Variants in FOXR2 observed in about 807,000 individuals in gnomAD.
FOXR2 encodes the protein forkhead box R2, also known as forkhead box protein R2.
For synonymous variants in FOXR2, 109 were observed against 84.1 expected, an observed-to-expected ratio of 1.30 and a Z score of -1.62; for missense variants, 234 against 227.1, an observed-to-expected ratio of 1.03 and a Z score of -0.20.
rs1235917887 is a variant in FOXR2 at position 55,623,905 on chromosome X, C to T, written c.194C>T (p.Pro65Leu). The change falls in exon 1 of 1, where the codon CCC (proline) becomes CTC (leucine). Residue 65 changes from proline to leucine, a missense_variant. Transcript: ENST00000339140. ...CCAGAAATGCCTCAGAAGAGGAGAC[C>T]CAGTCCTGATGGAGATGGTCCTCCC... ...KPPEMPQKRR[P>L]SPDGDGPPCE... The T allele has an allele frequency of 3.3e-5, 40 of 1,209,299 alleles. No homozygotes were observed. The highest frequency in any genetic ancestry group is 4.4e-5 in the Admixed American group (2 of 45,658).
In FOXR2 at chrX:55,624,109, C is replaced by G. The variant is rs1214322358; in HGVS notation, c.398C>G (p.Ser133Cys). 2 of 1,212,032 alleles carry G rather than the reference C, an allele frequency of 1.7e-6. No individual in the cohort carries two copies. Among genetic ancestry groups the G allele is most frequent in the Admixed American group, 4.3e-5 (2 of 46,066 alleles). The change falls in exon 1 of 1, where the codon TCT becomes TGT. Residue 133 changes from serine to cysteine, a missense_variant. Transcript: ENST00000339140. The part of the protein sequence containing the change: ...SEDKVVESLP[S>C]SSSEQSPLQK... ...GACAAAGTGGTAGAGTCTCTGCCAT[C>G]TTCCTCCAGTGAGCAGTCTCCTTTA...
chrX:55,624,293 T>A lies in FOXR2; in HGVS notation c.582T>A (p.Pro194=), dbSNP rs943165821. The A allele has an allele frequency of 3.3e-6, 4 of 1,210,527 alleles. No individual in the cohort carries two copies. The African/African-American group carries it at 7.0e-5, about 21-fold the overall frequency. Residue 194 remains proline (P), a synonymous_variant, in exon 1 of 1, where the codon CCT becomes CCA. Coordinates refer to ENST00000339140, the MANE Select transcript of FOXR2 (RefSeq NM_198451.4). ...NNQEKSWQRP[P]LNCSHLIALA... ...AAGAGAAGTCCTGGCAAAGGCCCCC[T>A]CTCAATTGTAGCCACCTTATTGCCC...
chrX:55,624,468 G>C lies in FOXR2; in HGVS notation c.757G>C (p.Val253Leu). The change falls in exon 1 of 1, where the codon GTG (valine) becomes CTG (leucine). Residue 253 changes from valine to leucine, a missense_variant. Physicochemically the swap from Val to Leu is conservative, Grantham distance 32. Transcript: ENST00000339140. ...CTGCTTCCTGGACAGCTTTGAGAAG[G>C]TGCCAGACAGCCTTAAGGATGAAGA... ...NLCFLDSFEKVPDSLKDEDNA... is the reference protein window; with the variant it reads ...NLCFLDSFEKLPDSLKDEDNA... 2 of 1,211,877 alleles carry C rather than the reference G, an allele frequency of 1.7e-6. No homozygotes were observed. Among genetic ancestry groups the C allele is most frequent in the South Asian group, 3.5e-5 (2 of 57,005 alleles).
At position 55,623,900 on chromosome X, in the gene FOXR2, G is replaced by A. The variant is rs748716736; in HGVS notation, c.189G>A (p.Arg63=). 6 of 1,209,709 alleles carry A rather than the reference G, an allele frequency of 5.0e-6. No individual in the cohort carries two copies. The Admixed American group carries it at 6.6e-5, about 13-fold the overall frequency. The change falls in exon 1 of 1, where the codon AGG becomes AGA. Residue 63 remains arginine, a synonymous_variant. Coordinates refer to ENST00000339140, the MANE Select transcript of FOXR2 (RefSeq NM_198451.4). ...VMKPPEMPQK[R]RPSPDGDGPP... ...AGCCCCCAGAAATGCCTCAGAAGAG[G>A]AGACCCAGTCCTGATGGAGATGGTC... is the stretch of plus-strand genomic sequence containing the variant.
rs267606489 is a variant in FOXR2, at chrX:55,623,929, C to T, written c.218C>T (p.Pro73Leu). Reference protein sequence around the residue: ...RRPSPDGDGPPCEPNLWMWVD... With the variant: ...RRPSPDGDGPLCEPNLWMWVD... Reference sequence around the variant, plus strand: ...CCCAGTCCTGATGGAGATGGTCCTCCCTGTGAACCCAATCTGTGGATGTGG... The same window carrying T: ...CCCAGTCCTGATGGAGATGGTCCTCTCTGTGAACCCAATCTGTGGATGTGG... Residue 73 changes from proline (P) to leucine (L), a missense_variant, in exon 1 of 1, where the codon CCC (proline) becomes CTC (leucine). By Grantham distance (98) the Pro-to-Leu change is moderately conservative. Transcript: ENST00000339140. The T allele has an allele frequency of 7.4e-6, 9 of 1,209,422 alleles. No homozygotes were observed. Among genetic ancestry groups the T allele is most frequent in the Non-Finnish European group, 7.8e-6 (7 of 894,884 alleles).
rs2032317063 is a variant in FOXR2 at position 55,623,937 on chromosome X, C to G, written c.226C>G (p.Pro76Ala). 16 of 1,209,523 alleles carry G rather than the reference C, an allele frequency of 1.3e-5. No individual in the cohort carries two copies. Among genetic ancestry groups the G allele is most frequent in the Non-Finnish European group, 1.8e-5 (16 of 894,966 alleles). ...SPDGDGPPCEPNLWMWVDPNI... is the reference protein window; with the variant it reads ...SPDGDGPPCEANLWMWVDPNI... ...TGATGGAGATGGTCCTCCCTGTGAACCCAATCTGTGGATGTGGGTGGACCC... is the reference window on the plus strand; with the variant it reads ...TGATGGAGATGGTCCTCCCTGTGAAGCCAATCTGTGGATGTGGGTGGACCC... Residue 76 changes from proline (P) to alanine (A), a missense_variant, in exon 1 of 1, where the codon CCC becomes GCC. By Grantham distance (27) the Pro-to-Ala change is conservative. Transcript: ENST00000339140.
rs745735598 is a variant in FOXR2, at chrX:55,623,965, A to G, written c.254A>G (p.Asn85Ser). 3.5e-5 allele frequency: 42 copies of G among 1,209,698 alleles called. No individual in the cohort carries two copies. In the South Asian group the frequency reaches 7.2e-4, roughly 21 times the overall value. The change falls in exon 1 of 1, where the codon AAT becomes AGT. Residue 85 changes from asparagine to serine, a missense_variant. Coordinates refer to ENST00000339140, the MANE Select transcript of FOXR2 (RefSeq NM_198451.4). ...AATCTGTGGATGTGGGTGGACCCCA[A>G]TATCCTGTGCCCCCTTGGCAGCCAG... The part of the protein sequence containing the change: ...EPNLWMWVDP[N>S]ILCPLGSQEA...
chrX:55,624,847 C>G lies in FOXR2; in HGVS notation c.*200C>G, dbSNP rs763158461. ...ATCCAGGTGGAGAGTCATGGAAAGT[C>G]GCACGAGGAGAGTGGCTGTTGTTCC... On this transcript the variant is annotated 3_prime_UTR_variant, in exon 1 of 1. Transcript: ENST00000339140. 2.6e-6 allele frequency: 1 copy of G among 377,653 alleles called. No homozygotes were observed. Among genetic ancestry groups the G allele is most frequent in the East Asian group, 4.1e-5 (1 of 24,675 alleles). 31.1% of individuals were successfully genotyped at this position (377,653 alleles called of 1,213,427 possible). A position where few individuals can be genotyped will look rare whatever the true frequency, so the allele number is the denominator to read the frequency against.
rs745397944 is a variant in FOXR2 at position 55,624,623 on chromosome X, G to C, written c.912G>C (p.Leu304Phe). ...RIQECMSQPE[L>F]LTSLFDL is the part of the protein sequence containing the mutation. ...AAGAGTGCATGAGTCAGCCAGAGTT[G>C]TTGACCTCTCTCTTTGATCTTTGAA... Residue 304 changes from leucine to phenylalanine, a missense_variant, in exon 1 of 1, where the codon TTG becomes TTC. Leu to Phe is a conservative substitution (Grantham distance 22). Coordinates refer to ENST00000339140, the MANE Select transcript of FOXR2 (RefSeq NM_198451.4). 8.3e-5 allele frequency: 100 copies of C among 1,203,778 alleles called. No homozygotes were observed. In the East Asian group the frequency reaches 1.8e-3, roughly 22 times the overall value.
chrX:55,624,443 C>G lies in FOXR2; in HGVS notation c.732C>G (p.Leu244=). 16 of 1,211,945 alleles carry G rather than the reference C, an allele frequency of 1.3e-5. No homozygotes were observed. The highest frequency in any genetic ancestry group is 1.8e-5 in the Non-Finnish European group (16 of 895,454). The part of the protein sequence containing the change: ...DGWKSTIHYN[L]CFLDSFEKVP... ...GGAAGAGCACCATTCATTACAACCTCTGCTTCCTGGACAGCTTTGAGAAGG... is the reference window on the plus strand; with the variant it reads ...GGAAGAGCACCATTCATTACAACCTGTGCTTCCTGGACAGCTTTGAGAAGG... The change falls in exon 1 of 1, where the codon CTC becomes CTG. Residue 244 remains leucine, a synonymous_variant. Transcript: ENST00000339140.
rs1251166050 is a variant in FOXR2, at chrX:55,626,100, T to A, written c.*1453T>A. 2.7e-5 allele frequency among the ~76,000 whole-genome samples: 3 copies of A among 111,921 alleles called. No homozygotes were observed. On this transcript the variant is annotated 3_prime_UTR_variant, in exon 1 of 1. Coordinates refer to ENST00000339140, the MANE Select transcript of FOXR2 (RefSeq NM_198451.4). ...CAAAACAACATATGCAAACAGTATT[T>A]TTTGAAAAAAATTGTAAATGCTACT...
Position 55,624,175 on chromosome X carries a change from C to T in FOXR2, c.464C>T (p.Thr155Ile). 2 of 1,211,851 alleles carry T rather than the reference C, an allele frequency of 1.7e-6. No individual in the cohort carries two copies. Among genetic ancestry groups the T allele is most frequent in the Non-Finnish European group, 2.2e-6 (2 of 895,465 alleles). The part of the protein sequence containing the change: ...GIHSPSDFEL[T>I]EEEAEEPDDN... The stretch of plus-strand genomic sequence containing the variant: ...CATTCCCCCAGTGACTTTGAGCTCA[C>T]AGAAGAGGAGGCTGAGGAACCAGAC... The change falls in exon 1 of 1, where the codon ACA (threonine) becomes ATA (isoleucine). Residue 155 changes from threonine (T) to isoleucine (I), a missense_variant. By Grantham distance (89) the Thr-to-Ile change is moderately conservative (BLOSUM62 -1). Transcript: ENST00000339140.
rs1279116679 is a variant in FOXR2, at chrX:55,624,313, T to C, written c.602T>C (p.Ile201Thr). The C allele has an allele frequency of 8.3e-7, 1 of 1,210,476 alleles. No individual in the cohort carries two copies. Among genetic ancestry groups the C allele is most frequent in the African/African-American group, 1.7e-5 (1 of 57,414 alleles). Reference protein sequence around the residue: ...QRPPLNCSHLIALALRNNPHC... With the variant: ...QRPPLNCSHLTALALRNNPHC... ...CCCCCTCTCAATTGTAGCCACCTTATTGCCCTAGCATTAAGAAACAACCCC... is the reference window on the plus strand; with the variant it reads ...CCCCCTCTCAATTGTAGCCACCTTACTGCCCTAGCATTAAGAAACAACCCC... The change falls in exon 1 of 1, where the codon ATT becomes ACT. Residue 201 changes from isoleucine to threonine, a missense_variant. Ile to Thr is a moderately conservative substitution (Grantham distance 89). Coordinates refer to ENST00000339140, the MANE Select transcript of FOXR2 (RefSeq NM_198451.4).
rs1304103603 is a variant in FOXR2, at chrX:55,623,424, T to C, written c.-288T>C. On this transcript the variant is annotated 5_prime_UTR_variant, in exon 1 of 1. Transcript: ENST00000339140. ...ATTCCTCTTGAAGTGACTTTCTGCT[T>C]CCAATCAAAGCTCAAGAATTCCACC... 7.0e-6 allele frequency: 2 copies of C among 284,979 alleles called. No homozygotes were observed. Among genetic ancestry groups the C allele is most frequent in the East Asian group, 1.1e-4 (2 of 18,713 alleles). 23.5% of individuals were successfully genotyped at this position (284,979 alleles called of 1,213,427 possible). A position where few individuals can be genotyped will look rare whatever the true frequency, so the allele number is the denominator to read the frequency against.
Position 55,623,939 on chromosome X carries a change from C to T in FOXR2, c.228C>T (p.Pro76=). 8.3e-7 allele frequency: 1 copy of T among 1,211,309 alleles called. No homozygotes were observed. The highest frequency in any genetic ancestry group is 2.3e-4 in the Middle Eastern group (1 of 4,351). ...ATGGAGATGGTCCTCCCTGTGAACCCAATCTGTGGATGTGGGTGGACCCCA... is the reference window on the plus strand; with the variant it reads ...ATGGAGATGGTCCTCCCTGTGAACCTAATCTGTGGATGTGGGTGGACCCCA... ...SPDGDGPPCE[P]NLWMWVDPNI... is the part of the protein sequence containing the mutation. Residue 76 remains proline (P), a synonymous_variant, in exon 1 of 1, where the codon CCC becomes CCT. Coordinates refer to ENST00000339140, the MANE Select transcript of FOXR2 (RefSeq NM_198451.4).
Position 55,623,880 on chromosome X carries a change from C to T in FOXR2, c.169C>T (p.Pro57Ser). 1 of 1,211,428 alleles carries T rather than the reference C, an allele frequency of 8.3e-7. No individual in the cohort carries two copies. Among genetic ancestry groups the T allele is most frequent in the Non-Finnish European group, 1.1e-6 (1 of 895,430 alleles). The change falls in exon 1 of 1, where the codon CCA becomes TCA. Residue 57 changes from proline (P) to serine (S), a missense_variant. By Grantham distance (74) the Pro-to-Ser change is moderately conservative (BLOSUM62 -1). Coordinates refer to ENST00000339140, the MANE Select transcript of FOXR2 (RefSeq NM_198451.4). ...ATACAGAGTCGGAGTAATGAAGCCCCCAGAAATGCCTCAGAAGAGGAGACC... is the reference window on the plus strand; with the variant it reads ...ATACAGAGTCGGAGTAATGAAGCCCTCAGAAATGCCTCAGAAGAGGAGACC... Reference protein sequence around the residue: ...AKYRVGVMKPPEMPQKRRPSP... With the variant: ...AKYRVGVMKPSEMPQKRRPSP...
chrX:55,623,473 G>A lies in FOXR2; in HGVS notation c.-239G>A. The A allele has an allele frequency of 3.3e-6, 1 of 303,946 alleles. No homozygotes were observed. 25.0% of individuals were successfully genotyped at this position (303,946 alleles called of 1,213,427 possible). On this transcript the variant is annotated 5_prime_UTR_variant, in exon 1 of 1. Transcript: ENST00000339140. ...CCTAAAAATGTTTTTCTGCTCAAAA[G>A]CTCTTTTTTATTACTTCCATGTTTT...
Position 55,625,496 on chromosome X carries a change from G to T in FOXR2, c.*849G>T, listed in dbSNP as rs2032333985. ...ATGGGGAGACATTCTTCCTGGGAAA[G>T]ACATGAAAGGGCATTGGAAAAAATA... On this transcript the variant is annotated 3_prime_UTR_variant, in exon 1 of 1. Coordinates refer to ENST00000339140, the MANE Select transcript of FOXR2 (RefSeq NM_198451.4). 9.0e-6 allele frequency among the ~76,000 whole-genome samples: 1 copy of T among 111,324 alleles called. No homozygotes were observed.
chrX:55,624,764 T>A lies in FOXR2; in HGVS notation c.*117T>A. The A allele has an allele frequency of 1.8e-6, 1 of 544,693 alleles. No individual in the cohort carries two copies. Among genetic ancestry groups the A allele is most frequent in the South Asian group, 3.2e-5 (1 of 31,680 alleles). 44.9% of individuals were successfully genotyped at this position (544,693 alleles called of 1,213,427 possible). ...TGGTGCCAAGTCTGTCTTTAGCTAC[T>A]GTTACAATAATGGTGTTAAGTAAAG... is the stretch of plus-strand genomic sequence containing the variant. On this transcript the variant is annotated 3_prime_UTR_variant, in exon 1 of 1. Coordinates refer to ENST00000339140, the MANE Select transcript of FOXR2 (RefSeq NM_198451.4).
Sources: gnomAD v4.1 joint callset for allele counts (sites outside exome capture counted in the v4.1 genomes callset) on GRCh38, gnomAD v4.1.1 for gene constraint, MANE v1.5 for transcripts, NCBI Gene and HGNC (gene_info 2026-07-23, HGNC 2026-07-21) for gene names.